Variants in DCBLD2 observed in about 807,000 individuals in gnomAD.
DCBLD2 encodes discoidin, CUB and LCCL domain-containing protein 2.
Under a neutral mutation model 86.8 loss-of-function variants are expected in DCBLD2, and 54 were observed. The observed-to-expected ratio is 0.62, with a 90% CI of 0.50 to 0.78. DCBLD2 has a LOEUF of 0.78. DCBLD2 is among the 30% of genes least tolerant of loss of function. DCBLD2 has a pLI of 0.00. For synonymous variants in DCBLD2, 354 were observed against 341.3 expected (o/e 1.04, Z -0.41); for missense variants, 908 against 954.2 (o/e 0.95, Z 0.64).
At chr3:98,888,093 C>T (rs994470694) in intron 1 of DCBLD2, among the ~76,000 whole-genome samples, 2 of 151,968 alleles carry the variant, frequency 1.3e-5, no homozygotes, top group African/African-American at 4.8e-5. Flanking sequence ...GTAGCCTTTT[C>T]GGATTGGCTG....
intron 3 of DCBLD2, among the ~76,000 whole-genome samples, chr3:98,845,809 T>C (rs1414936266): frequency 4.6e-5 from 7 of 152,190 alleles, no homozygotes; most frequent in Non-Finnish European, 7.3e-5. Context: ...CATCAGGTTT[T>C]TGCACCTGCT....
intron 1 of DCBLD2, among the ~76,000 whole-genome samples, chr3:98,882,810 C>G (rs2454680): frequency 0.43 from 66,066 of 151,998 alleles, 14,533 homozygotes; most frequent in African/African-American, 0.46. Context: ...TTTTCTTTAT[C>G]CAGTCTATTA....
intron 3 of DCBLD2, among the ~76,000 whole-genome samples, chr3:98,847,264 A>G (rs1487785670): frequency 6.6e-6 from 1 of 152,200 alleles, no homozygotes. Context: ...CCATTCAAAG[A>G]TACAACTCAC....
chr3:98,799,872 A>T, intron 15 of DCBLD2, 31 bp from the exon 16 acceptor site: 2 of 1,541,258 alleles, frequency 1.3e-6, no homozygotes, highest in Non-Finnish European at 1.8e-6. Context: ...CAGAAAAGTC[A>T]TTTTACTAGT....
intron 12 of DCBLD2, among the ~76,000 whole-genome samples, chr3:98,810,544 G>T (rs1421114375): frequency 6.6e-6 from 1 of 152,116 alleles, no homozygotes; most frequent in African/African-American, 2.4e-5. Flanking sequence ...CTATGACACT[G>T]ACACTTTTTT....
At chr3:98,826,388 C>T (rs1942221792) in intron 3 of DCBLD2, among the ~76,000 whole-genome samples, 1 of 152,228 alleles carries the variant, frequency 6.6e-6, no homozygotes, top group South Asian at 2.1e-4. Context: ...CCCACTACTA[C>T]TTAGCTTAGC....
intron 3 of DCBLD2, among the ~76,000 whole-genome samples, chr3:98,848,469 C>T (rs1942766856): frequency 6.6e-6 from 1 of 152,120 alleles, no homozygotes. Context: ...AATTTATATT[C>T]CTTTGGGTAT....
intron 13 of DCBLD2, among the ~76,000 whole-genome samples, chr3:98,807,303 A>G (rs1442967733): frequency 6.6e-6 from 1 of 152,136 alleles, no homozygotes; most frequent in Non-Finnish European, 1.5e-5. Context: ...TCCAAAATTC[A>G]TATGTTGAAA....
chr3:98,841,102 AG>A (rs1942612022), intron 3 of DCBLD2, among the ~76,000 whole-genome samples: 1 of 152,226 alleles, frequency 6.6e-6, no homozygotes, highest in Admixed American at 6.5e-5. Context: ...CTATAAAAAG[AG>A]TTTCTATCCT....
chr3:98,870,741 G>GAAAGAAAGAAAGAAAGAAAGA (rs1553731633), intron 2 of DCBLD2, among the ~76,000 whole-genome samples: 1 of 47,400 alleles, frequency 2.1e-5, no homozygotes, highest in Non-Finnish European at 4.2e-5. Context: ...GAAAGAAAAA[G>GAAAGAAAGAAAGAAAGAAAGA]AAAGAAAGAA....
chr3:98,824,327 G>T (rs1293826770), intron 4 of DCBLD2, among the ~76,000 whole-genome samples: 1 of 150,004 alleles, frequency 6.7e-6, no homozygotes, highest in Non-Finnish European at 1.5e-5. Context: ...TAGTACAGCA[G>T]CCCCGGACAG....
chr3:98,814,223 C>T (rs1202204488), intron 9 of DCBLD2: 1 of 152,166 alleles, frequency 6.6e-6, no homozygotes, highest in African/African-American at 2.4e-5. Flanking sequence ...TTTGCAGTTA[C>T]AATAACTTCC....
At chr3:98,886,628 T>G (rs1332777907) in intron 1 of DCBLD2, among the ~76,000 whole-genome samples, 1 of 152,018 alleles carries the variant, frequency 6.6e-6, no homozygotes, top group Non-Finnish European at 1.5e-5. Context: ...AACCTAATTT[T>G]TGAATTTTAA....
chr3:98,855,563 A>G (rs2107490992), intron 2 of DCBLD2, among the ~76,000 whole-genome samples: 1 of 152,328 alleles, frequency 6.6e-6, no homozygotes, highest in African/African-American at 2.4e-5. Context: ...TTATGAATTC[A>G]AAAGTCAGGA....
At chr3:98,874,021 C>T (rs369711540) in intron 2 of DCBLD2, among the ~76,000 whole-genome samples, 7 of 152,126 alleles carry the variant, frequency 4.6e-5, no homozygotes, top group African/African-American at 1.7e-4. Flanking sequence ...CAGGCAAGTA[C>T]CGTTTATTAC....
intron 2 of DCBLD2, among the ~76,000 whole-genome samples, chr3:98,877,074 C>T (rs1172254703): frequency 6.6e-6 from 1 of 152,086 alleles, no homozygotes; most frequent in Admixed American, 6.6e-5. Flanking sequence ...AGAAGAAATG[C>T]ACTGTAAAGG....
At chr3:98,895,864 A>G (rs1184480187) in intron 1 of DCBLD2, among the ~76,000 whole-genome samples, 2 of 152,224 alleles carry the variant, frequency 1.3e-5, no homozygotes, top group African/African-American at 2.4e-5. Context: ...GACTATACTG[A>G]GGTACATGCA....
intron 3 of DCBLD2, 124 bp downstream of exon 3, chr3:98,849,337 G>A: frequency 2.5e-6 from 3 of 1,185,820 alleles, no homozygotes; most frequent in South Asian, 2.7e-5. Flanking sequence ...TTATATATGT[G>A]CTATTAATTG....
chr3:98,889,653 A>G (rs1457616110), intron 1 of DCBLD2, among the ~76,000 whole-genome samples: 1 of 152,052 alleles, frequency 6.6e-6, no homozygotes, highest in African/African-American at 2.4e-5. Context: ...TTTGTTGGCC[A>G]TTAATCAGTT....
Sources: allele counts gnomAD v4.1 joint callset (sites outside exome capture counted in the v4.1 genomes callset), GRCh38; gene constraint gnomAD v4.1.1; transcripts MANE v1.5; gene names NCBI Gene and HGNC (gene_info 2026-07-23, HGNC 2026-07-21).